Variants in HTR4 observed in about 807,000 individuals in gnomAD.
The protein encoded by HTR4 is 5-hydroxytryptamine (serotonin) receptor 4, G protein-coupled.
In HTR4, 16 loss-of-function variants were observed where a neutral mutation model predicts 36.8. The observed-to-expected ratio is 0.43, with a 90% CI of 0.29 to 0.66. The LOEUF is 0.66. Among genes scored for constraint, HTR4 ranks in the 30% least tolerant of loss-of-function variants. The pLI, the probability that HTR4 is intolerant of heterozygous loss-of-function variation, is 0.13. For missense variants in HTR4, 438 were observed against 490.9 expected (o/e 0.89, Z 1.02); for synonymous variants, 189 against 185.1 (o/e 1.02, Z -0.17).
chr5:148,551,803 G>A (rs1759707735), intron 2 of HTR4, among the ~76,000 whole-genome samples: 1 of 152,228 alleles, frequency 6.6e-6, no homozygotes, highest in African/African-American at 2.4e-5. Flanking sequence ...TATAAATTGG[G>A]TTGGGCTGCA....
At position 148,571,025 on chromosome 5, in the gene HTR4, C is replaced by G. The variant is rs1302240297; in HGVS notation, c.27-20763G>C. 2.0e-5 allele frequency among the ~76,000 whole-genome samples: 3 copies of G among 151,912 alleles called. No homozygotes were observed. In the East Asian group the frequency reaches 5.8e-4, roughly 29 times the overall value. On this transcript the variant is annotated intron_variant, in intron 2 of 6. Transcript: ENST00000377888. Reference sequence around the variant, plus strand: ...TATGATTGGGGAGCACAACACAAATCTAGAGGAAGGACAGGTTTCACATTA... The same window carrying G: ...TATGATTGGGGAGCACAACACAAATGTAGAGGAAGGACAGGTTTCACATTA...
At chr5:148,500,025 ATAAACCTCTTTTCCTTGTAAAT>A (rs1278261405) in intron 6 of HTR4, among the ~76,000 whole-genome samples, 5 of 152,214 alleles carry the variant, frequency 3.3e-5, no homozygotes, top group Admixed American at 2.6e-4. Context: ...CATTAGACAA[ATAAACCTCTTTTCCTTGTAAAT>A]TACCCAGCCT....
intron 2 of HTR4, among the ~76,000 whole-genome samples, chr5:148,596,506 A>G (rs921887514): frequency 1.3e-5 from 2 of 152,082 alleles, no homozygotes; most frequent in African/African-American, 4.8e-5. Flanking sequence ...AGCGTTTCCC[A>G]ATGCTGGCAT....
rs551909582 is a variant in HTR4, at chr5:148,486,486, G to C, written c.1077-3193C>G. 5.9e-5 allele frequency among the ~76,000 whole-genome samples: 9 copies of C among 152,280 alleles called. No individual in the cohort carries two copies. The East Asian group carries it at 1.7e-3, about 29-fold the overall frequency. ...TCTAATGCCTTTGGAGCCTCCAGTT[G>C]AGTGACTGGATGACTTTGTCCCTTT... On this transcript the variant is annotated intron_variant, in intron 6 of 6. Transcript: ENST00000377888.
intron 2 of HTR4, among the ~76,000 whole-genome samples, chr5:148,576,110 C>CAAAAAAAAAAAAAAAAACAAAAAAAAA (rs1760891689): frequency 3.1e-5 from 1 of 32,712 alleles, no homozygotes; most frequent in Non-Finnish European, 5.4e-5. Flanking sequence ...GACTCCGTCT[C>CAAAAAAAAAAAAAAAAACAAAAAAAAA]AAAAAAAAAA....
intron 6 of HTR4, among the ~76,000 whole-genome samples, chr5:148,492,656 G>C (rs1387866260): frequency 6.6e-6 from 1 of 152,214 alleles, no homozygotes; most frequent in Non-Finnish European, 1.5e-5. Flanking sequence ...CTGTGTAATA[G>C]GAACTGGCAT....
intron 5 of HTR4, among the ~76,000 whole-genome samples, chr5:148,522,538 A>G (rs554260061): frequency 2.0e-5 from 3 of 152,332 alleles, no homozygotes; most frequent in Non-Finnish European, 4.4e-5. Flanking sequence ...AGTATTTAGC[A>G]TACTCTCTGG....
intron 6 of HTR4, among the ~76,000 whole-genome samples, chr5:148,486,846 T>C (rs1414021203): frequency 6.6e-6 from 1 of 152,202 alleles, no homozygotes; most frequent in African/African-American, 2.4e-5. Flanking sequence ...ATTGCAAAGC[T>C]GTTAAACGTA....
chr5:148,627,799 A>C (rs966672903), intron 2 of HTR4, among the ~76,000 whole-genome samples: 2 of 152,256 alleles, frequency 1.3e-5, no homozygotes, highest in African/African-American at 4.8e-5. Context: ...AATTTAACAC[A>C]ACCCTATTTG....
chr5:148,576,085 T>C (rs1466075714), intron 2 of HTR4, among the ~76,000 whole-genome samples: 1 of 112,906 alleles, frequency 8.9e-6, no homozygotes, highest in African/African-American at 3.5e-5. Context: ...CACTCCAGCC[T>C]GGGCGACAGA....
rs72832076 is a variant in HTR4 at position 148,571,868 on chromosome 5, G to C, written c.27-21606C>G. 5.0e-3 allele frequency among the ~76,000 whole-genome samples: 765 copies of C among 152,120 alleles called. 4 individuals carry two copies. Among genetic ancestry groups the C allele is most frequent in the Middle Eastern group, 0.017 (5 of 294 alleles). ...TCAAGCTTTTCTCAAAGTCCTGAAG[G>C]ATTTTTAACACATCTTCCATAAAAA... On this transcript the variant is annotated intron_variant, in intron 2 of 6. Coordinates refer to ENST00000377888, the MANE Select transcript of HTR4 (RefSeq NM_000870.7).
intron 5 of HTR4, among the ~76,000 whole-genome samples, chr5:148,521,810 G>T (rs1758034641): frequency 6.6e-6 from 1 of 152,106 alleles, no homozygotes; most frequent in Non-Finnish European, 1.5e-5. Flanking sequence ...AAATGAGACA[G>T]TTCAGAGCTG....
intron 1 of HTR4, among the ~76,000 whole-genome samples, chr5:148,638,636 C>T (rs957540963): frequency 2.6e-5 from 4 of 152,158 alleles, no homozygotes; most frequent in East Asian, 3.9e-4. Context: ...GACACAAAAA[C>T]CTGCTCTTCC....
At chr5:148,570,430 T>A (rs527846527) in intron 2 of HTR4, among the ~76,000 whole-genome samples, 1 of 152,192 alleles carries the variant, frequency 6.6e-6, no homozygotes, top group East Asian at 1.9e-4. Flanking sequence ...AAGGTAACAT[T>A]GACCCTGATG....
intron 2 of HTR4, among the ~76,000 whole-genome samples, chr5:148,634,798 C>T (rs1255621501): frequency 2.6e-5 from 4 of 152,192 alleles, no homozygotes; most frequent in Non-Finnish European, 5.9e-5. Context: ...CATTCATTTT[C>T]TTCTATCTTC....
At chr5:148,529,902 A>G (rs571939700) in intron 4 of HTR4, among the ~76,000 whole-genome samples, 1 of 152,198 alleles carries the variant, frequency 6.6e-6, no homozygotes, top group East Asian at 1.9e-4. Context: ...GGCTCTTGTT[A>G]TGATTTAGCA....
At chr5:148,604,396 C>T (rs1474437012) in intron 2 of HTR4, among the ~76,000 whole-genome samples, 1 of 151,978 alleles carries the variant, frequency 6.6e-6, no homozygotes, top group African/African-American at 2.4e-5. Context: ...CCAGCATTTG[C>T]CAGGATGGGG....
chr5:148,464,034 C>CAAAAA (rs34212190), intron 5 of HTR4, among the ~76,000 whole-genome samples: 7 of 99,698 alleles, frequency 7.0e-5, no homozygotes, highest in Non-Finnish European at 1.3e-4. Context: ...CATTGACATG[C>CAAAAA]AAAAAAAAAA....
At chr5:148,644,422 GTTTTTT>G (rs1175588280) in intron 1 of HTR4, among the ~76,000 whole-genome samples, 7 of 40,618 alleles carry the variant, frequency 1.7e-4, no homozygotes, top group African/African-American at 5.3e-4. Flanking sequence ...AAGCTCACAA[GTTTTTT>G]TTTTTTTTTT....
Sources: gnomAD v4.1 joint callset for allele counts (sites outside exome capture counted in the v4.1 genomes callset) on GRCh38, gnomAD v4.1.1 for gene constraint, MANE v1.5 for transcripts, NCBI Gene and HGNC (gene_info 2026-07-23, HGNC 2026-07-21) for gene names.